The following SMAP2 variants were observed in gnomAD, a reference collection of about 807,000 sequenced individuals.
The protein encoded by SMAP2 is stromal membrane-associated protein 2.
A neutral mutation model predicts 56.4 loss-of-function variants in SMAP2; 25 were observed. The ratio of observed to expected loss-of-function variants is 0.44; its 90% CI spans 0.32 to 0.62. SMAP2 has a LOEUF of 0.62. Ranked by LOEUF, SMAP2 falls within the 20% of genes least tolerant of loss-of-function variation. The pLI is 0.04. For synonymous variants in SMAP2, 157 were observed against 181.7 expected, an observed-to-expected ratio of 0.86 and a Z score of 1.09; for missense variants, 388 against 545.6, an observed-to-expected ratio of 0.71 and a Z score of 2.88.
At chr1:40,379,384 C>T (rs184007522) in intron 1 of SMAP2, among the ~76,000 whole-genome samples, 1 of 152,156 alleles carries the variant, frequency 6.6e-6, no homozygotes, top group African/African-American at 2.4e-5. Flanking sequence ...GCATATTACC[C>T]ACAGCTCTTG....
chr1:40,399,610 G>A (rs534861266), intron 1 of SMAP2, among the ~76,000 whole-genome samples: 4 of 150,926 alleles, frequency 2.7e-5, no homozygotes, highest in Admixed American at 6.6e-5. Context: ...ACTGAGGTGG[G>A]AGGATTGCCT....
At chr1:40,416,639 C>G (rs1419280206) in intron 8 of SMAP2, 141 bp from the exon 9 acceptor site, 2 of 933,866 alleles carry the variant, frequency 2.1e-6, no homozygotes, top group African/African-American at 3.3e-5. Flanking sequence ...CGTAGGGACT[C>G]TAACTACTTT....
chr1:40,405,403 C>T (rs1028022216), intron 1 of SMAP2, among the ~76,000 whole-genome samples: 5 of 152,128 alleles, frequency 3.3e-5, no homozygotes, highest in Non-Finnish European at 2.9e-5. Context: ...GCAGGAGGAT[C>T]GCTTGAGCCC....
At position 40,385,361 on chromosome 1, in the gene SMAP2, A is replaced by G. The variant is rs955868310; in HGVS notation, c.103+11138A>G. On this transcript the variant is annotated intron_variant, in intron 1 of 9. Coordinates refer to ENST00000372718, the MANE Select transcript of SMAP2 (RefSeq NM_022733.3). The surrounding 1 kb of genome is among the most constrained non-coding windows in gnomAD (Gnocchi z 4.5). ...GGAATTCTGGTTTGCTTTTAAATAC[A>G]TATAGAATACAGTTTATTTAAGTTC... is the stretch of plus-strand genomic sequence containing the variant. Among the ~76,000 whole-genome samples the G allele has an allele frequency of 6.6e-6, 1 of 152,164 alleles. No individual in the cohort carries two copies. Among genetic ancestry groups the G allele is most frequent in the Admixed American group, 6.6e-5 (1 of 15,266 alleles).
At chr1:40,365,465 T>G (rs1353683692) in intron 2 of SMAP2, among the ~76,000 whole-genome samples, 2 of 152,202 alleles carry the variant, frequency 1.3e-5, no homozygotes, top group Non-Finnish European at 2.9e-5. Context: ...TTAGATACAG[T>G]GCAACCAAAC....
intron 1 of SMAP2, among the ~76,000 whole-genome samples, chr1:40,381,805 G>A (rs987726154): frequency 9.2e-5 from 14 of 152,160 alleles, no homozygotes; most frequent in Non-Finnish European, 1.5e-5. Flanking sequence ...CTTCCTGATC[G>A]CTGAATAGTA....
chr1:40,362,439 A>G (rs1168744857), intron 2 of SMAP2: 2 of 152,172 alleles, frequency 1.3e-5, no homozygotes, highest in Admixed American at 6.5e-5. Context: ...AATCTATGGT[A>G]TGTGAAACTG....
At chr1:40,371,754 G>A (rs1275211395), upstream of SMAP2, among the ~76,000 whole-genome samples, 1 of 152,202 alleles carries the variant, frequency 6.6e-6, no homozygotes, top group Non-Finnish European at 1.5e-5. Flanking sequence ...GAAATATTTA[G>A]TGAAGAGCGC....
intron 1 of SMAP2, among the ~76,000 whole-genome samples, chr1:40,358,064 A>T (rs116024785): frequency 0.011 from 1,635 of 152,272 alleles, 15 homozygotes; most frequent in Admixed American, 0.025. Context: ...ATCCATGAAC[A>T]TGGAATACGT....
chr1:40,412,752 C>T (rs576319815), intron 4 of SMAP2, among the ~76,000 whole-genome samples: 1 of 152,136 alleles, frequency 6.6e-6, no homozygotes, highest in South Asian at 2.1e-4. Context: ...TACATAGCCT[C>T]GACTGCAAAT....
upstream of SMAP2, among the ~76,000 whole-genome samples, chr1:40,373,136 A>C (rs913322284): frequency 1.3e-5 from 2 of 152,196 alleles, no homozygotes; most frequent in Non-Finnish European, 2.9e-5. Context: ...AGAAGAAACA[A>C]ACTGTCTGGG....
intron 1 of SMAP2, chr1:40,375,126 GTTAT>G: frequency 1.0e-6 from 1 of 980,800 alleles, no homozygotes; most frequent in Non-Finnish European, 1.2e-6. Context: ...GGAAATCTTG[GTTAT>G]TAGTGAAATG....
At chr1:40,414,587 G>C (rs1036894804) in intron 6 of SMAP2, among the ~76,000 whole-genome samples, 1 of 152,188 alleles carries the variant, frequency 6.6e-6, no homozygotes, top group Non-Finnish European at 1.5e-5. Flanking sequence ...CAAAGGTGTT[G>C]TTGGAAGGAT....
chr1:40,351,355 A>G (rs1355291708), intron 1 of SMAP2, among the ~76,000 whole-genome samples: 4 of 152,212 alleles, frequency 2.6e-5, no homozygotes, highest in Admixed American at 2.6e-4. Flanking sequence ...GTGGACAAGA[A>G]GATAGAATCT....
intron 2 of SMAP2, chr1:40,365,304 C>G (rs1644477294): frequency 1.3e-5 from 2 of 152,310 alleles, no homozygotes; most frequent in African/African-American, 4.8e-5. Flanking sequence ...ATCTCTATTT[C>G]AAATAATTTT....
intron 4 of SMAP2, among the ~76,000 whole-genome samples, chr1:40,412,032 A>G (rs1321094503): frequency 6.6e-6 from 1 of 152,114 alleles, no homozygotes; most frequent in Non-Finnish European, 1.5e-5. Context: ...ATAATTTTTA[A>G]TTGTTGCATC....
At chr1:40,388,827 C>G (rs1012149219) in intron 1 of SMAP2, among the ~76,000 whole-genome samples, 2 of 152,174 alleles carry the variant, frequency 1.3e-5, no homozygotes, top group African/African-American at 4.8e-5. Context: ...TCTTTGGGTC[C>G]ACACTGCCTT....
At chr1:40,412,322 A>G (rs1464463246) in intron 4 of SMAP2, among the ~76,000 whole-genome samples, 1 of 152,178 alleles carries the variant, frequency 6.6e-6, no homozygotes, top group Non-Finnish European at 1.5e-5. Flanking sequence ...GTATAAGAGT[A>G]CTGGTTTCAC....
At chr1:40,413,159 A>G (rs1325908845) in intron 5 of SMAP2, 57 bp downstream of exon 5, 1 of 1,373,392 alleles carries the variant, frequency 7.3e-7, no homozygotes, top group African/African-American at 1.4e-5. Context: ...TATATTTGTG[A>G]AAGGGAAAGT....
Sources: allele counts gnomAD v4.1 joint callset (sites outside exome capture counted in the v4.1 genomes callset), GRCh38; gene constraint gnomAD v4.1.1; non-coding constraint Gnocchi (gnomAD v3.1); transcripts MANE v1.5; gene names NCBI Gene and HGNC (gene_info 2026-07-23, HGNC 2026-07-21).